TOX: variants seen among roughly 807,000 people sequenced by gnomAD.
TOX encodes the protein thymocyte selection associated high mobility group box, also known as thymocyte selection-associated high mobility group box protein TOX.
TOX carries 11 observed loss-of-function variants against 53.7 expected under a neutral mutation model. The observed-to-expected ratio is 0.20, with a 90% CI of 0.13 to 0.34. The LOEUF (loss-of-function observed/expected upper bound fraction) is 0.34. TOX is among the 10% of genes least tolerant of loss of function. The pLI, the probability that TOX is intolerant of heterozygous loss-of-function variation, is 1.00. For missense variants in TOX, 570 were observed against 664.6 expected (o/e 0.86, Z 1.56); for synonymous variants, 225 against 245.3 (o/e 0.92, Z 0.77).
At chr8:58,958,610 A>G (rs1257883285) in intron 2 of TOX, among the ~76,000 whole-genome samples, 1 of 152,224 alleles carries the variant, frequency 6.6e-6, no homozygotes, top group Non-Finnish European at 1.5e-5. Context: ...AGAACTACCT[A>G]TGGATCTTGG....
At chr8:58,820,247 C>T (rs1276134534) in intron 6 of TOX, among the ~76,000 whole-genome samples, 1 of 150,008 alleles carries the variant, frequency 6.7e-6, no homozygotes, top group African/African-American at 2.5e-5. Flanking sequence ...ACTTTCTTGA[C>T]TTAATTCAAT....
At chr8:59,112,230 TGTAG>T in intron 1 of TOX, among the ~76,000 whole-genome samples, 1 of 152,312 alleles carries the variant, frequency 6.6e-6, no homozygotes, top group South Asian at 2.1e-4. Context: ...AAATGAATGC[TGTAG>T]GGAGAAACAT....
chr8:58,947,270 T>G (rs1812538960), intron 2 of TOX, among the ~76,000 whole-genome samples: 1 of 152,252 alleles, frequency 6.6e-6, no homozygotes, highest in African/African-American at 2.4e-5. Flanking sequence ...TTTCTAGAAC[T>G]CTCATAAAGA....
intron 3 of TOX, among the ~76,000 whole-genome samples, chr8:58,928,321 G>A (rs113246256): frequency 0.013 from 1,990 of 152,258 alleles, 58 homozygotes; most frequent in African/African-American, 0.046. Context: ...AAAAACAACC[G>A]CACACAAGAA....
At position 58,851,436 on chromosome 8, in the gene TOX, A is replaced by G; in HGVS notation, c.693+88T>C. The G allele has an allele frequency of 9.0e-6, 13 of 1,451,432 alleles. No homozygotes were observed. The highest frequency in any genetic ancestry group is 1.2e-5 in the Non-Finnish European group (13 of 1,058,972). The allele number at this position is 1,451,432 out of a possible 1,614,324, so 89.9% of individuals were successfully genotyped here. ...GGTGTCTCCCTCCAATGTTTCTCGC[A>G]TGGATGATATAAACTTGTACCCAGC... On this transcript the variant is annotated intron_variant, in intron 4 of 8. Coordinates refer to ENST00000361421, the MANE Select transcript of TOX (RefSeq NM_014729.3). This position sits in a 1 kb window ranked among gnomAD's most constrained non-coding sequence, Gnocchi z 4.4.
chr8:58,838,922 G>A (rs190732220), intron 4 of TOX, among the ~76,000 whole-genome samples: 2 of 151,998 alleles, frequency 1.3e-5, no homozygotes, highest in East Asian at 1.9e-4. Flanking sequence ...GGATGGTCTC[G>A]ATCTCCAGAC....
At chr8:58,869,880 A>G (rs964101180) in intron 3 of TOX, among the ~76,000 whole-genome samples, 4 of 151,624 alleles carry the variant, frequency 2.6e-5, no homozygotes. Flanking sequence ...AACACCATGC[A>G]TGAAAAAAAA....
chr8:59,033,040 A>AG (rs1249660951), intron 1 of TOX, among the ~76,000 whole-genome samples: 1 of 151,962 alleles, frequency 6.6e-6, no homozygotes, highest in Non-Finnish European at 1.5e-5. Context: ...ACTCAAAAAA[A>AG]AAAAAAGAAA....
chr8:58,987,915 A>T (rs1466828210), intron 1 of TOX, among the ~76,000 whole-genome samples: 2 of 152,186 alleles, frequency 1.3e-5, no homozygotes, highest in African/African-American at 2.4e-5. Flanking sequence ...CCTTTGAAAG[A>T]TATGGAAATT....
At chr8:59,065,925 T>C (rs1804080219) in intron 1 of TOX, among the ~76,000 whole-genome samples, 1 of 152,188 alleles carries the variant, frequency 6.6e-6, no homozygotes, top group African/African-American at 2.4e-5. Flanking sequence ...CATGCGTCCA[T>C]GATTTACCAT....
chr8:58,864,926 T>C (rs1387603986), intron 3 of TOX, among the ~76,000 whole-genome samples: 1 of 152,210 alleles, frequency 6.6e-6, no homozygotes, highest in African/African-American at 2.4e-5. Context: ...ACAGTTTCCT[T>C]TCACTTTAAC....
At position 58,998,534 on chromosome 8, in the gene TOX, T is replaced by TATATAAA. The variant is rs1554537354; in HGVS notation, c.103-38533_103-38527dup. On this transcript the variant is annotated intron_variant, in intron 1 of 8. Transcript: ENST00000361421. ...ATATATATATATATATATATATATATATATAAATTTATATATAATAAATTT... is the reference window on the plus strand; with the variant it reads ...ATATATATATATATATATATATATATATATAAAATATAAATTTATATATAATAAATTT... Among the ~76,000 whole-genome samples the TATATAAA allele has an allele frequency of 2.8e-3, 51 of 18,322 alleles. 1 individual carries two copies. The highest frequency in any genetic ancestry group is 8.4e-3 in the African/African-American group (50 of 5,984). The allele number at this position is 18,322 out of a possible 152,430, so 12.0% of individuals were successfully genotyped here. A position where few individuals can be genotyped will look rare whatever the true frequency, so the allele number is the denominator to read the frequency against.
At chr8:59,075,468 G>A (rs762669123) in intron 1 of TOX, among the ~76,000 whole-genome samples, 3 of 152,052 alleles carry the variant, frequency 2.0e-5, no homozygotes, top group Non-Finnish European at 2.9e-5. Context: ...AGCTTCCTCC[G>A]TGCAGCTCAT....
At chr8:58,850,122 G>C (rs1385140485) in intron 4 of TOX, among the ~76,000 whole-genome samples, 1 of 152,098 alleles carries the variant, frequency 6.6e-6, no homozygotes, top group East Asian at 1.9e-4. Flanking sequence ...TGACAACAGG[G>C]AGAGACAGTA....
intron 2 of TOX, among the ~76,000 whole-genome samples, chr8:58,957,361 A>G (rs1563400593): frequency 6.6e-6 from 1 of 152,176 alleles, no homozygotes; most frequent in East Asian, 1.9e-4. Context: ...TTTATTATAT[A>G]CTTGTCAGGC....
intron 1 of TOX, among the ~76,000 whole-genome samples, chr8:59,033,728 A>T (rs567623624): frequency 6.6e-6 from 1 of 152,324 alleles, no homozygotes; most frequent in South Asian, 2.1e-4. Context: ...CAATCTCTCC[A>T]TCACGTCAGG....
At chr8:58,929,357 TC>T (rs1166710371) in intron 3 of TOX, among the ~76,000 whole-genome samples, 2 of 152,140 alleles carry the variant, frequency 1.3e-5, no homozygotes, top group African/African-American at 4.8e-5. Flanking sequence ...ATACCTTTTC[TC>T]CTACACAGTG....
chr8:59,107,919 A>G (rs1026403087), intron 1 of TOX, among the ~76,000 whole-genome samples: 17 of 152,188 alleles, frequency 1.1e-4, no homozygotes, highest in African/African-American at 3.9e-4. Flanking sequence ...ATATTCTCTG[A>G]TGTGGGTTTC....
intron 1 of TOX, among the ~76,000 whole-genome samples, chr8:59,033,824 A>G (rs1300726094): frequency 6.6e-6 from 1 of 152,216 alleles, no homozygotes; most frequent in Non-Finnish European, 1.5e-5. Flanking sequence ...GATCTATTCT[A>G]GAGAATGTGT....
Sources: gnomAD v4.1 joint callset for allele counts (sites outside exome capture counted in the v4.1 genomes callset) on GRCh38, gnomAD v4.1.1 for gene constraint, Gnocchi (gnomAD v3.1) non-coding constraint, MANE v1.5 for transcripts, NCBI Gene and HGNC (gene_info 2026-07-23, HGNC 2026-07-21) for gene names.